The following MAN1A1 variants were observed in gnomAD, a reference collection of about 807,000 sequenced individuals.
MAN1A1 encodes the protein mannosyl-oligosaccharide 1,2-alpha-mannosidase IA.
Under a neutral mutation model 70.8 loss-of-function variants are expected in MAN1A1, and 29 were observed. The observed-to-expected ratio is 0.41, with a 90% CI of 0.31 to 0.56. The LOEUF (loss-of-function observed/expected upper bound fraction) is 0.56. Among genes scored for constraint, MAN1A1 ranks in the 20% least tolerant of loss-of-function variants. The probability of loss-of-function intolerance (pLI) is 0.29; values close to 1 mark genes in which losing one functional copy is unlikely to be tolerated. For missense variants in MAN1A1, 747 were observed against 841.3 expected, an observed-to-expected ratio of 0.89 and a Z score of 1.39; for synonymous variants, 349 against 330.1, an observed-to-expected ratio of 1.06 and a Z score of -0.62.
intron 5 of MAN1A1, among the ~76,000 whole-genome samples, chr6:119,263,584 G>T (rs913183299): frequency 6.6e-6 from 1 of 152,062 alleles, no homozygotes; most frequent in African/African-American, 2.4e-5. Flanking sequence ...AAAATAATCT[G>T]TTTACCTAAC....
chr6:119,261,570 T>C (rs1208630203), intron 5 of MAN1A1, among the ~76,000 whole-genome samples: 1 of 152,108 alleles, frequency 6.6e-6, no homozygotes, highest in Non-Finnish European at 1.5e-5. Flanking sequence ...AGTAATAACT[T>C]CCACTCCTCT....
chr6:119,221,287 C>T (rs1380931580), intron 6 of MAN1A1, among the ~76,000 whole-genome samples: 2 of 151,994 alleles, frequency 1.3e-5, no homozygotes, highest in African/African-American at 2.4e-5. Context: ...CTGCCCCATC[C>T]ACACTTTTCC....
At chr6:119,276,193 C>T (rs1163947344) in intron 5 of MAN1A1, among the ~76,000 whole-genome samples, 7 of 152,138 alleles carry the variant, frequency 4.6e-5, no homozygotes, top group Non-Finnish European at 1.0e-4. Context: ...TCCGATTTGG[C>T]CTAAAGTAGT....
rs79695574 is a variant in MAN1A1 at position 119,240,978 on chromosome 6, G to A, written c.992+7282C>T. On this transcript the variant is annotated intron_variant, in intron 6 of 12. Coordinates refer to ENST00000368468, the MANE Select transcript of MAN1A1 (RefSeq NM_005907.4). ...ATTCTTCACAGTACCCTTAGGTACA[G>A]GGCCAGGTTACCAGCTGTTTATAGT... Among the ~76,000 whole-genome samples the A allele has an allele frequency of 5.9e-3, 905 of 152,300 alleles. 30 individuals carry two copies. In the East Asian group the frequency reaches 0.091, roughly 15 times the overall value.
chr6:119,267,081 A>C (rs1266135386), intron 5 of MAN1A1, among the ~76,000 whole-genome samples: 1 of 152,236 alleles, frequency 6.6e-6, no homozygotes, highest in Non-Finnish European at 1.5e-5. Flanking sequence ...CAGAACACTA[A>C]CACCACCAAA....
chr6:119,271,929 C>T (rs1017401474), intron 5 of MAN1A1, among the ~76,000 whole-genome samples: 9 of 152,154 alleles, frequency 5.9e-5, no homozygotes, highest in African/African-American at 1.7e-4. Flanking sequence ...TGTTCTCAGA[C>T]AAGTACCTCG....
At chr6:119,220,601 C>T (rs1774333607) in intron 6 of MAN1A1, among the ~76,000 whole-genome samples, 1 of 152,050 alleles carries the variant, frequency 6.6e-6, no homozygotes, top group Non-Finnish European at 1.5e-5. Context: ...CCACAACAAC[C>T]TCGTAGATGG....
At chr6:119,253,285 T>TG (rs1775374722) in intron 5 of MAN1A1, among the ~76,000 whole-genome samples, 1 of 152,160 alleles carries the variant, frequency 6.6e-6, no homozygotes, top group African/African-American at 2.4e-5. Context: ...TTCTGAACCC[T>TG]GGTGAAACCA....
intron 11 of MAN1A1, among the ~76,000 whole-genome samples, chr6:119,180,786 T>G (rs1475149143): frequency 6.6e-6 from 1 of 152,100 alleles, no homozygotes. Context: ...AGAGTTGGGA[T>G]TACAGCCATG....
intron 2 of MAN1A1, among the ~76,000 whole-genome samples, chr6:119,310,434 C>T (rs1772669934): frequency 6.6e-6 from 1 of 152,154 alleles, no homozygotes; most frequent in African/African-American, 2.4e-5. Flanking sequence ...TGGGTTCTTA[C>T]ATAAAATTTC....
chr6:119,248,456 T>C (rs1775226874), intron 5 of MAN1A1, 102 bp from the exon 6 acceptor site: 2 of 659,248 alleles, frequency 3.0e-6, no homozygotes, highest in East Asian at 2.8e-5. Flanking sequence ...AATATTTTAG[T>C]ATTTTCTACT....
chr6:119,197,342 G>C (rs1773598065), intron 8 of MAN1A1, among the ~76,000 whole-genome samples: 1 of 151,446 alleles, frequency 6.6e-6, no homozygotes, highest in African/African-American at 2.4e-5. Flanking sequence ...CAAAAAGATA[G>C]ATCAGATACA....
intron 2 of MAN1A1, among the ~76,000 whole-genome samples, chr6:119,328,377 C>T (rs962338232): frequency 1.3e-5 from 2 of 152,198 alleles, no homozygotes; most frequent in Non-Finnish European, 2.9e-5. Context: ...TAGGCATTAT[C>T]ATCACTCTCA....
chr6:119,278,063 T>C (rs1012663008), intron 5 of MAN1A1, among the ~76,000 whole-genome samples: 7 of 152,072 alleles, frequency 4.6e-5, no homozygotes, highest in Admixed American at 4.6e-4. Flanking sequence ...GCAGGATTCC[T>C]TGAGCCCAGG....
intron 5 of MAN1A1, among the ~76,000 whole-genome samples, chr6:119,250,598 GT>G (rs1407164998): frequency 1.3e-5 from 2 of 151,868 alleles, no homozygotes; most frequent in African/African-American, 4.8e-5. Flanking sequence ...TTATCCAACT[GT>G]TGTTTTGGTG....
At chr6:119,270,072 C>T (rs1220715070) in intron 5 of MAN1A1, among the ~76,000 whole-genome samples, 1 of 152,162 alleles carries the variant, frequency 6.6e-6, no homozygotes, top group Non-Finnish European at 1.5e-5. Context: ...CCAGTTGGCT[C>T]CTGAGTCCTT....
In MAN1A1 at chr6:119,348,924, A is replaced by G; in HGVS notation, c.142T>C (p.Phe48Leu). The G allele has an allele frequency of 6.5e-7, 1 of 1,534,234 alleles. No individual in the cohort carries two copies. The highest frequency in any genetic ancestry group is 8.8e-7 in the Non-Finnish European group (1 of 1,140,856). Reference sequence around the variant, plus strand: ...AAGCAGAGCGTGATGAAGGCGCTGAATACCAGCAGCAGCACGAACTTCTCC... The same window carrying G: ...AAGCAGAGCGTGATGAAGGCGCTGAGTACCAGCAGCAGCACGAACTTCTCC... ...LTEKFVLLLV[F>L]SAFITLCFGA... Residue 48 changes from phenylalanine to leucine, a missense_variant, in exon 2 of 13, where the codon TTC becomes CTC. This residue lies in a region of MAN1A1 where 328 missense variants were observed against 293.1 expected (regional missense o/e 1.12). Transcript: ENST00000368468.
chr6:119,275,829 C>A (rs1054904625), intron 5 of MAN1A1, among the ~76,000 whole-genome samples: 7 of 152,196 alleles, frequency 4.6e-5, no homozygotes, highest in African/African-American at 1.7e-4. Context: ...CCAACCCTGG[C>A]AACACTGGTT....
intron 4 of MAN1A1, among the ~76,000 whole-genome samples, chr6:119,297,119 A>G (rs1193877664): frequency 6.6e-6 from 1 of 152,216 alleles, no homozygotes; most frequent in Non-Finnish European, 1.5e-5. Context: ...TTGAAATTAG[A>G]AATGCCCAAA....
Sources: gnomAD v4.1 joint callset for allele counts (sites outside exome capture counted in the v4.1 genomes callset) on GRCh38, gnomAD v4.1.1 for gene constraint, gnomAD v4.1.1 regional missense constraint, MANE v1.5 for transcripts, NCBI Gene and HGNC (gene_info 2026-07-23, HGNC 2026-07-21) for gene names.